PTGDR2: variants seen among roughly 807,000 people sequenced by gnomAD.
PTGDR2 encodes the protein prostaglandin D2 receptor 2, also known as G-protein coupled receptor 44.
For missense variants in PTGDR2, 544 were observed against 576.6 expected (o/e 0.94, Z 0.58); for synonymous variants, 276 against 278.4 (o/e 0.99, Z 0.09).
In PTGDR2 at chr11:60,852,955, C is replaced by A; in HGVS notation, c.768G>T (p.Ala256=). The A allele has an allele frequency of 7.1e-7, 1 of 1,416,358 alleles. No individual in the cohort carries two copies. The allele number at this position is 1,416,358 out of a possible 1,614,324, so 87.7% of individuals were successfully genotyped here. A position where few individuals can be genotyped will look rare whatever the true frequency, so the allele number is the denominator to read the frequency against. The change falls in exon 2 of 2, where the codon GCG becomes GCT. Residue 256 remains alanine (A), a synonymous_variant. Transcript: ENST00000332539. Reference sequence around the variant, plus strand: ...ACACGTGGTAGGGCCCCCAGCAGAGCGCGAAGGCGGCCACGACGGCCGCCA... The same window carrying A: ...ACACGTGGTAGGGCCCCCAGCAGAGAGCGAAGGCGGCCACGACGGCCGCCA... ...RLVAAVVAAF[A]LCWGPYHVFS... is the part of the protein sequence containing the mutation.
rs780314524 is a variant in PTGDR2 at position 60,852,462 on chromosome 11, C to G, written c.*73G>C. On this transcript the variant is annotated 3_prime_UTR_variant, in exon 2 of 2. Transcript: ENST00000332539. ...GGACTTTGATCACTGCGGCAGGAGT[C>G]CGGATATCGAATTGAACCGCGGCAC... 6 of 1,202,654 alleles carry G rather than the reference C, an allele frequency of 5.0e-6. No individual in the cohort carries two copies. Among genetic ancestry groups the G allele is most frequent in the Non-Finnish European group, 6.3e-6 (6 of 958,946 alleles). The allele number at this position is 1,202,654 out of a possible 1,614,324, so 74.5% of individuals were successfully genotyped here. A position where few individuals can be genotyped will look rare whatever the true frequency, so the allele number is the denominator to read the frequency against.
rs558052504 is a variant in PTGDR2, at chr11:60,851,550, A to G, written c.*985T>C. The G allele has an allele frequency of 1.5e-4, 23 of 152,328 alleles. No homozygotes were observed. Among genetic ancestry groups the G allele is most frequent in the African/African-American group, 5.3e-4 (22 of 41,556 alleles). The allele number at this position is 152,328 out of a possible 1,614,324, so 9.4% of individuals were successfully genotyped here. A position where few individuals can be genotyped will look rare whatever the true frequency, so the allele number is the denominator to read the frequency against. On this transcript the variant is annotated 3_prime_UTR_variant, in exon 2 of 2. Transcript: ENST00000332539. ...CTTGGGATTACCAGTGCCCAGAGGG[A>G]TCCCACAGAACACCAGGCCGACAGG...
At chr11:60,855,298 CG>C (rs1468023482) in intron 1 of PTGDR2, among the ~76,000 whole-genome samples, 5 of 152,140 alleles carry the variant, frequency 3.3e-5, no homozygotes, top group Admixed American at 6.5e-5. Flanking sequence ...AAGTACCACC[CG>C]CTGTCTGCCC....
chr11:60,851,101 A>AG lies in PTGDR2; in HGVS notation c.*1433dup, dbSNP rs1357641790. Reference sequence around the variant, plus strand: ...AATGCACCACGTGTCCAATGGGGGAAGTGCTATGAGTAAAGGGGGAAGGGA... The same window carrying AG: ...AATGCACCACGTGTCCAATGGGGGAAGGTGCTATGAGTAAAGGGGGAAGGGA... On this transcript the variant is annotated 3_prime_UTR_variant, in exon 2 of 2. Coordinates refer to ENST00000332539, the MANE Select transcript of PTGDR2 (RefSeq NM_004778.3). 6.6e-6 allele frequency: 1 copy of AG among 152,378 alleles called. No homozygotes were observed. The highest frequency in any genetic ancestry group is 1.5e-5 in the Non-Finnish European group (1 of 68,086). The allele number at this position is 152,378 out of a possible 1,614,324, so 9.4% of individuals were successfully genotyped here.
chr11:60,852,497 A>T lies in PTGDR2; in HGVS notation c.*38T>A. 4.8e-6 allele frequency: 6 copies of T among 1,245,186 alleles called. No individual in the cohort carries two copies. Among genetic ancestry groups the T allele is most frequent in the Non-Finnish European group, 6.0e-6 (6 of 994,952 alleles). 77.1% of individuals were successfully genotyped at this position (1,245,186 alleles called of 1,614,324 possible). On this transcript the variant is annotated 3_prime_UTR_variant, in exon 2 of 2. Transcript: ENST00000332539. ...AATTGAACCGCGGCACCCTGGTGAT[A>T]CTTTCGCGTGTGAGTGCCGCCCTAC...
At position 60,852,537 on chromosome 11, in the gene PTGDR2, A is replaced by G. The variant is rs1855285408; in HGVS notation, c.1186T>C (p.Ter396GlnextTer43). The G allele has an allele frequency of 1.6e-6, 2 of 1,263,480 alleles. No homozygotes were observed. The highest frequency in any genetic ancestry group is 2.0e-6 in the Non-Finnish European group (2 of 1,005,882). The allele number at this position is 1,263,480 out of a possible 1,614,324, so 78.3% of individuals were successfully genotyped here. ...TGCCGCCCTACGTGGGCCGGGTTCT[A>G]ACTCGAGGTGCTGCTCAGCGCCCGG... ...LNRALSSTSS[*>Q] is the part of the protein sequence containing the mutation. Residue 396 changes from the stop codon to glutamine (Q), a stop_lost, in exon 2 of 2, where the codon TAG (stop) becomes CAG (glutamine). Transcript: ENST00000332539.
chr11:60,855,300 CT>C (rs1405780576), intron 1 of PTGDR2, among the ~76,000 whole-genome samples: 5 of 152,146 alleles, frequency 3.3e-5, no homozygotes, highest in Admixed American at 6.5e-5. Flanking sequence ...GTACCACCCG[CT>C]GTCTGCCCTG....
chr11:60,852,779 A>G lies in PTGDR2; in HGVS notation c.944T>C (p.Leu315Pro), dbSNP rs892644625. 1.3e-6 allele frequency: 2 copies of G among 1,550,126 alleles called. No homozygotes were observed. Among genetic ancestry groups the G allele is most frequent in the African/African-American group, 1.4e-5 (1 of 72,030 alleles). ...VLTCPDMLRK[L>P]RRSLRTVLES... ...CAGCACCGTGCGCAGCGAGCGCCGC[A>G]GCTTGCGCAGCATGTCGGGGCAGGT... Residue 315 changes from leucine (L) to proline (P), a missense_variant, in exon 2 of 2, where the codon CTG becomes CCG. By Grantham distance (98) the Leu-to-Pro change is moderately conservative. Transcript: ENST00000332539.
intron 1 of PTGDR2, among the ~76,000 whole-genome samples, chr11:60,855,432 C>G (rs1415739108): frequency 6.6e-6 from 1 of 151,524 alleles, no homozygotes; most frequent in Non-Finnish European, 1.5e-5. Flanking sequence ...AGAGACAGCC[C>G]CCAGCCTCCC....
Position 60,852,939 on chromosome 11 carries a change from A to G in PTGDR2, c.784T>C (p.Tyr262His). 6.7e-7 allele frequency: 1 copy of G among 1,493,586 alleles called. No individual in the cohort carries two copies. Among genetic ancestry groups the G allele is most frequent in the Non-Finnish European group, 8.9e-7 (1 of 1,117,354 alleles). The allele number at this position is 1,493,586 out of a possible 1,614,324, so 92.5% of individuals were successfully genotyped here. Residue 262 changes from tyrosine (Y) to histidine (H), a missense_variant, in exon 2 of 2, where the codon TAC becomes CAC. Coordinates refer to ENST00000332539, the MANE Select transcript of PTGDR2 (RefSeq NM_004778.3). ...VAAFALCWGP[Y>H]HVFSLLEARA... Reference sequence around the variant, plus strand: ...GCCTCCAGCAGGCTGAACACGTGGTAGGGCCCCCAGCAGAGCGCGAAGGCG... The same window carrying G: ...GCCTCCAGCAGGCTGAACACGTGGTGGGGCCCCCAGCAGAGCGCGAAGGCG...
At position 60,850,977 on chromosome 11, in the gene PTGDR2, G is replaced by T. The variant is rs575794040; in HGVS notation, c.*1558C>A. ...ATTTATTGAGTGCCTGTTGCATACA[G>T]GCACAATCCTAGGCACCGGCAAATA... On this transcript the variant is annotated 3_prime_UTR_variant, in exon 2 of 2. Transcript: ENST00000332539. The T allele has an allele frequency of 6.6e-6, 1 of 152,268 alleles. No individual in the cohort carries two copies. Among genetic ancestry groups the T allele is most frequent in the Non-Finnish European group, 1.5e-5 (1 of 68,092 alleles). The allele number at this position is 152,268 out of a possible 1,614,324, so 9.4% of individuals were successfully genotyped here.
chr11:60,854,103 G>C (rs1196402589), intron 1 of PTGDR2, among the ~76,000 whole-genome samples: 1 of 152,198 alleles, frequency 6.6e-6, no homozygotes, highest in African/African-American at 2.4e-5. Context: ...CAGAGAAAAA[G>C]GAACAAGGTC....
rs1855297310 is a variant in PTGDR2, at chr11:60,852,938, T to C, written c.785A>G (p.Tyr262Cys). Reference sequence around the variant, plus strand: ...CGCCTCCAGCAGGCTGAACACGTGGTAGGGCCCCCAGCAGAGCGCGAAGGC... The same window carrying C: ...CGCCTCCAGCAGGCTGAACACGTGGCAGGGCCCCCAGCAGAGCGCGAAGGC... ...VAAFALCWGP[Y>C]HVFSLLEARA... The change falls in exon 2 of 2, where the codon TAC becomes TGC. Residue 262 changes from tyrosine to cysteine, a missense_variant. Coordinates refer to ENST00000332539, the MANE Select transcript of PTGDR2 (RefSeq NM_004778.3). 6.7e-7 allele frequency: 1 copy of C among 1,494,662 alleles called. No homozygotes were observed. The highest frequency in any genetic ancestry group is 1.5e-5 in the African/African-American group (1 of 68,538). The allele number at this position is 1,494,662 out of a possible 1,614,324, so 92.6% of individuals were successfully genotyped here. A position where few individuals can be genotyped will look rare whatever the true frequency, so the allele number is the denominator to read the frequency against.
chr11:60,852,541 CGAG>C lies in PTGDR2; in HGVS notation c.1179_1181del (p.Ser394del). On this transcript the variant is annotated inframe_deletion, in exon 2 of 2. Coordinates refer to ENST00000332539, the MANE Select transcript of PTGDR2 (RefSeq NM_004778.3). Reference sequence around the variant, plus strand: ...GCCCTACGTGGGCCGGGTTCTAACTCGAGGTGCTGCTCAGCGCCCGGTTCAGGG... The same window carrying C: ...GCCCTACGTGGGCCGGGTTCTAACTCGTGCTGCTCAGCGCCCGGTTCAGGG... 1 of 1,265,552 alleles carries C rather than the reference CGAG, an allele frequency of 7.9e-7. No individual in the cohort carries two copies. Among genetic ancestry groups the C allele is most frequent in the Non-Finnish European group, 9.9e-7 (1 of 1,006,976 alleles). The allele number at this position is 1,265,552 out of a possible 1,614,324, so 78.4% of individuals were successfully genotyped here.
rs1298591078 is a variant in PTGDR2 at position 60,853,215 on chromosome 11, G to A, written c.508C>T (p.Arg170Trp). Residue 170 changes from arginine (R) to tryptophan (W), a missense_variant, in exon 2 of 2, where the codon CGG becomes TGG. Physicochemically the swap from Arg to Trp is moderately radical, Grantham distance 101. Transcript: ENST00000332539. ...VLNTVPYFVF[R>W]DTISRLDGRI... Reference sequence around the variant, plus strand: ...CCGTCCAGCCGCGAGATGGTGTCCCGGAACACGAAATAGGGCACCGTGTTG... The same window carrying A: ...CCGTCCAGCCGCGAGATGGTGTCCCAGAACACGAAATAGGGCACCGTGTTG... 5 of 1,612,770 alleles carry A rather than the reference G, an allele frequency of 3.1e-6. No individual in the cohort carries two copies. The highest frequency in any genetic ancestry group is 4.2e-6 in the Non-Finnish European group (5 of 1,179,874).
At chr11:60,853,853 G>A (rs530194886) in intron 1 of PTGDR2, 122 bp from the exon 2 acceptor site, 15 of 724,184 alleles carry the variant, frequency 2.1e-5, no homozygotes, top group South Asian at 5.7e-5. Context: ...TATATTGGGC[G>A]GTGGGGGTGG....
chr11:60,853,686 T>TG lies in PTGDR2; in HGVS notation c.36dup (p.Ile13HisfsTer182), dbSNP rs1399794617. ...TGGAGACGGCTCATCTGCTCCAGGA[T>TG]GGGGCAGAGTGGCTTCAGTGTGGCG... On this transcript the variant is annotated frameshift_variant, in exon 2 of 2. Transcript: ENST00000332539. LOFTEE classifies it low-confidence loss of function (END_TRUNC). 1 of 1,553,320 alleles carries TG rather than the reference T, an allele frequency of 6.4e-7. No homozygotes were observed. The highest frequency in any genetic ancestry group is 8.7e-7 in the Non-Finnish European group (1 of 1,149,042).
At chr11:60,854,680 C>T (rs946019378) in intron 1 of PTGDR2, among the ~76,000 whole-genome samples, 1 of 152,180 alleles carries the variant, frequency 6.6e-6, no homozygotes, top group African/African-American at 2.4e-5. Context: ...TCAGGGTGTC[C>T]TGGGCACCAA....
chr11:60,853,667 C>A lies in PTGDR2; in HGVS notation c.56G>T (p.Arg19Leu). 2 of 1,558,394 alleles carry A rather than the reference C, an allele frequency of 1.3e-6. No individual in the cohort carries two copies. Among genetic ancestry groups the A allele is most frequent in the Admixed American group, 1.9e-5 (1 of 51,944 alleles). Reference sequence around the variant, plus strand: ...GCTGGTGTTGCTGTGGCTCTGGAGACGGCTCATCTGCTCCAGGATGGGGCA... The same window carrying A: ...GCTGGTGTTGCTGTGGCTCTGGAGAAGGCTCATCTGCTCCAGGATGGGGCA... ...PLCPILEQMSRLQSHSNTSIR... is the reference protein window; with the variant it reads ...PLCPILEQMSLLQSHSNTSIR... The change falls in exon 2 of 2, where the codon CGT (arginine) becomes CTT (leucine). Residue 19 changes from arginine to leucine, a missense_variant. Transcript: ENST00000332539.
Sources: gnomAD v4.1 joint callset for allele counts (sites outside exome capture counted in the v4.1 genomes callset) on GRCh38, gnomAD v4.1.1 for gene constraint, MANE v1.5 for transcripts, NCBI Gene and HGNC (gene_info 2026-07-23, HGNC 2026-07-21) for gene names.